Variants in CADM1 observed in about 807,000 individuals in gnomAD.
CADM1 encodes cell adhesion molecule 1.
Under a neutral mutation model 53.1 loss-of-function variants are expected in CADM1, and 15 were observed. The ratio of observed to expected loss-of-function variants is 0.28; its 90% CI spans 0.19 to 0.44. The LOEUF (loss-of-function observed/expected upper bound fraction) is 0.44, where lower values mean the gene tolerates loss of function less well. CADM1 is among the 20% of genes least tolerant of loss of function. The pLI is 1.00. For synonymous variants in CADM1, 281 were observed against 243.0 expected, an observed-to-expected ratio of 1.16 and a Z score of -1.45; for missense variants, 434 against 611.3, an observed-to-expected ratio of 0.71 and a Z score of 3.06.
At chr11:115,185,879 G>T (rs940980290) in intron 10 of CADM1, among the ~76,000 whole-genome samples, 1 of 152,208 alleles carries the variant, frequency 6.6e-6, no homozygotes, top group Non-Finnish European at 1.5e-5. Flanking sequence ...GTGGACCTCA[G>T]GCATTTGGGG....
chr11:115,439,992 GT>G lies in CADM1; in HGVS notation c.124+64278del, dbSNP rs1202269355. On this transcript the variant is annotated intron_variant, in intron 1 of 11. Coordinates refer to ENST00000331581, the MANE Select transcript of CADM1 (RefSeq NM_001301043.2). ...CTCTACAAGTGGCAGAAACCAGAAAGTACAGCAAACATTTATCCAGGATTTG... is the reference window on the plus strand; with the variant it reads ...CTCTACAAGTGGCAGAAACCAGAAAGACAGCAAACATTTATCCAGGATTTG... 1.4e-4 allele frequency among the ~76,000 whole-genome samples: 21 copies of G among 152,200 alleles called. No individual in the cohort carries two copies. The East Asian group carries it at 4.0e-3, about 29-fold the overall frequency.
Position 115,289,875 on chromosome 11 carries a change from G to A in CADM1, c.125-49455C>T, listed in dbSNP as rs559668810. ...CTCCCAAAGTGCTGGGATTACAGGC[G>A]TGAACCACCGCGCCCGGCCCTGAAT... On this transcript the variant is annotated intron_variant, in intron 1 of 11. Coordinates refer to ENST00000331581, the MANE Select transcript of CADM1 (RefSeq NM_001301043.2). Among the ~76,000 whole-genome samples, 7 of 152,176 alleles carry A rather than the reference G, an allele frequency of 4.6e-5. No individual in the cohort carries two copies. In the East Asian group the frequency reaches 5.8e-4, roughly 13 times the overall value.
intron 1 of CADM1, among the ~76,000 whole-genome samples, chr11:115,471,626 A>C (rs1949012610): frequency 1.3e-5 from 2 of 152,144 alleles, no homozygotes; most frequent in Admixed American, 1.3e-4. Flanking sequence ...CCACCCCCAG[A>C]GTTTCTGACT....
rs1256707581 is a variant in CADM1 at position 115,170,413 on chromosome 11, G to GGGGCA, written c.*6056_*6060dup. On this transcript the variant is annotated 3_prime_UTR_variant, in exon 12 of 12. Coordinates refer to ENST00000331581, the MANE Select transcript of CADM1 (RefSeq NM_001301043.2). ...TTGTATTTCCCAGCACTGACCACCA[G>GGGGCA]GGGCAGTAGACATTTTATGTTTTTT... 6.6e-6 allele frequency: 1 copy of GGGGCA among 152,098 alleles called. No homozygotes were observed. The highest frequency in any genetic ancestry group is 1.5e-5 in the Non-Finnish European group (1 of 68,024). The allele number at this position is 152,098 out of a possible 1,614,324, so 9.4% of individuals were successfully genotyped here. A position where few individuals can be genotyped will look rare whatever the true frequency, so the allele number is the denominator to read the frequency against.
intron 1 of CADM1, among the ~76,000 whole-genome samples, chr11:115,332,866 G>A (rs749553160): frequency 5.3e-5 from 8 of 152,072 alleles, no homozygotes; most frequent in Non-Finnish European, 1.0e-4. Context: ...CAGGAATACA[G>A]AGAATGGGGG....
At chr11:115,334,337 C>A (rs888728054) in intron 1 of CADM1, among the ~76,000 whole-genome samples, 2 of 152,144 alleles carry the variant, frequency 1.3e-5, no homozygotes, top group South Asian at 2.1e-4. Flanking sequence ...TGGTATCAAC[C>A]AATGACTAAA....
At chr11:115,213,250 A>C (rs1338398262) in intron 7 of CADM1, among the ~76,000 whole-genome samples, 1 of 152,208 alleles carries the variant, frequency 6.6e-6, no homozygotes, top group East Asian at 1.9e-4. Flanking sequence ...GTCTGTGGAA[A>C]GAGGTGGCTC....
intron 10 of CADM1, among the ~76,000 whole-genome samples, chr11:115,189,778 G>A (rs957945808): frequency 6.6e-6 from 1 of 152,202 alleles, no homozygotes; most frequent in African/African-American, 2.4e-5. Flanking sequence ...GTGTACAACA[G>A]TGAACAAAAC....
chr11:115,421,190 T>C (rs564846021), intron 1 of CADM1, among the ~76,000 whole-genome samples: 2 of 152,304 alleles, frequency 1.3e-5, no homozygotes, highest in Admixed American at 6.5e-5. Context: ...CTGGCAAAGT[T>C]TGGCAAGATC....
intron 1 of CADM1, among the ~76,000 whole-genome samples, chr11:115,402,963 A>G (rs1163389422): frequency 1.3e-5 from 2 of 152,240 alleles, no homozygotes; most frequent in Admixed American, 1.3e-4. Context: ...AAATGTGGAA[A>G]GGATGATGGG....
chr11:115,221,786 C>A (rs1028812016), intron 5 of CADM1, among the ~76,000 whole-genome samples: 22 of 152,138 alleles, frequency 1.4e-4, no homozygotes, highest in African/African-American at 5.3e-4. Context: ...GGATGTCACC[C>A]TTCCAGGGTA....
intron 1 of CADM1, among the ~76,000 whole-genome samples, chr11:115,478,514 A>G (rs112437731): frequency 0.039 from 5,913 of 152,264 alleles, 164 homozygotes; most frequent in Middle Eastern, 0.092. Flanking sequence ...GTATTTACAT[A>G]CCACACCCAT....
chr11:115,371,450 G>T (rs909138300), intron 1 of CADM1, among the ~76,000 whole-genome samples: 1 of 151,768 alleles, frequency 6.6e-6, no homozygotes, highest in South Asian at 2.1e-4. Flanking sequence ...ACCAACAGAG[G>T]AGATAAACTG....
intron 1 of CADM1, among the ~76,000 whole-genome samples, chr11:115,338,872 TTTTTATTTTTTTTTTTTTA>T (rs1945338215): frequency 2.8e-5 from 1 of 35,352 alleles, no homozygotes; most frequent in African/African-American, 6.0e-5. Flanking sequence ...TCTTTTATTT[TTTTTATTTTTTTTTTTTTA>T]ATTTTTTTTT....
chr11:115,259,134 T>C lies in CADM1; in HGVS notation c.125-18714A>G, dbSNP rs142873695. Among the ~76,000 whole-genome samples, 418 of 151,954 alleles carry C rather than the reference T, an allele frequency of 2.8e-3. 2 individuals carry two copies. Among genetic ancestry groups the C allele is most frequent in the African/African-American group, 8.9e-3 (369 of 41,442 alleles). ...CCAAGTAGCTGGGACTATAGAAGCG[T>C]GCCACCACGCCCAGCTAATTTTTGT... is the stretch of plus-strand genomic sequence containing the variant. On this transcript the variant is annotated intron_variant, in intron 1 of 11. Coordinates refer to ENST00000331581, the MANE Select transcript of CADM1 (RefSeq NM_001301043.2).
chr11:115,328,765 G>C (rs143193835), intron 1 of CADM1, among the ~76,000 whole-genome samples: 1,819 of 31,316 alleles, frequency 0.058, 100 homozygotes, highest in African/African-American at 0.13. Flanking sequence ...AATCTCTTTT[G>C]GGGGGACAAA....
chr11:115,277,201 G>C (rs1490549068), intron 1 of CADM1, among the ~76,000 whole-genome samples: 1 of 152,138 alleles, frequency 6.6e-6, no homozygotes, highest in Non-Finnish European at 1.5e-5. Flanking sequence ...TTGCCTATTA[G>C]TATTATTATG....
chr11:115,357,223 C>G (rs564640810), intron 1 of CADM1, among the ~76,000 whole-genome samples: 1 of 152,278 alleles, frequency 6.6e-6, no homozygotes, highest in East Asian at 1.9e-4. Context: ...CTGCTGTACC[C>G]CAGCCTGCTT....
chr11:115,380,586 T>A (rs1197120015), intron 1 of CADM1, among the ~76,000 whole-genome samples: 1 of 152,196 alleles, frequency 6.6e-6, no homozygotes, highest in Non-Finnish European at 1.5e-5. Context: ...ATAAATAAAT[T>A]AATTAAGCAA....
Sources: allele counts gnomAD v4.1 joint callset (sites outside exome capture counted in the v4.1 genomes callset), GRCh38; gene constraint gnomAD v4.1.1; transcripts MANE v1.5; gene names NCBI Gene and HGNC (gene_info 2026-07-23, HGNC 2026-07-21).